The following ELL variants were observed in gnomAD, a reference collection of about 807,000 sequenced individuals.
ELL encodes elongation factor for RNA polymerase II, also known as RNA polymerase II elongation factor ELL.
ELL carries 18 observed loss-of-function variants against 64.0 expected under a neutral mutation model. The observed-to-expected ratio is 0.28, with a 90% CI of 0.19 to 0.42. ELL has a LOEUF of 0.42. Ranked by LOEUF, ELL falls within the 10% of genes least tolerant of loss-of-function variation. ELL has a pLI of 1.00. For synonymous variants in ELL, 399 were observed against 376.2 expected, an observed-to-expected ratio of 1.06 and a Z score of -0.70; for missense variants, 797 against 870.4, an observed-to-expected ratio of 0.92 and a Z score of 1.06.
intron 1 of ELL, among the ~76,000 whole-genome samples, chr19:18,515,549 T>G (rs904945253): frequency 6.6e-6 from 1 of 152,228 alleles, no homozygotes; most frequent in Non-Finnish European, 1.5e-5. Flanking sequence ...GAAGATGGGA[T>G]GAAATGCAGT....
intron 5 of ELL, 123 bp from the exon 6 acceptor site, chr19:18,458,452 A>G (rs905565105): frequency 6.9e-7 from 1 of 1,449,330 alleles, no homozygotes; most frequent in African/African-American, 1.4e-5. Flanking sequence ...ACAGAGACAG[A>G]GGAGAGGAAA....
At chr19:18,479,891 A>C (rs1005761659) in intron 1 of ELL, among the ~76,000 whole-genome samples, 2 of 152,080 alleles carry the variant, frequency 1.3e-5, no homozygotes, top group Non-Finnish European at 2.9e-5. Context: ...GCAGGTGCCA[A>C]GGCTGCCCCA....
intron 1 of ELL, among the ~76,000 whole-genome samples, chr19:18,521,443 G>A (rs1257141866): frequency 2.0e-5 from 3 of 151,922 alleles, no homozygotes; most frequent in Non-Finnish European, 2.9e-5. Flanking sequence ...CGGGCACCCA[G>A]ACGATCGCTG....
chr19:18,517,291 T>C (rs1976150200), intron 1 of ELL, among the ~76,000 whole-genome samples: 1 of 152,108 alleles, frequency 6.6e-6, no homozygotes, highest in South Asian at 2.1e-4. Flanking sequence ...AGGGTCTCCC[T>C]CTGTTACCCA....
At chr19:18,497,733 C>G (rs1975688741) in intron 1 of ELL, among the ~76,000 whole-genome samples, 1 of 149,776 alleles carries the variant, frequency 6.7e-6, no homozygotes, top group Non-Finnish European at 1.5e-5. Flanking sequence ...GGGAGGATCA[C>G]CTAAGCCTAG....
At chr19:18,445,163 C>A in intron 11 of ELL, 61 bp downstream of exon 11, 6 of 1,600,920 alleles carry the variant, frequency 3.7e-6, no homozygotes, top group South Asian at 1.1e-5. Context: ...CCCGGGCCCA[C>A]CCTCCTCCCT....
At chr19:18,512,604 T>A (rs919098605) in intron 1 of ELL, among the ~76,000 whole-genome samples, 3 of 152,170 alleles carry the variant, frequency 2.0e-5, no homozygotes, top group African/African-American at 7.2e-5. Context: ...AGGAAGCCAG[T>A]TCTCTATTTC....
chr19:18,498,638 C>T (rs928284644), intron 1 of ELL, among the ~76,000 whole-genome samples: 6 of 152,144 alleles, frequency 3.9e-5, no homozygotes, highest in Non-Finnish European at 2.9e-5. Flanking sequence ...CATTGCTGCC[C>T]CCGGATGGGT....
intron 1 of ELL, among the ~76,000 whole-genome samples, chr19:18,518,021 G>T (rs1312762991): frequency 1.3e-5 from 2 of 150,448 alleles, no homozygotes; most frequent in East Asian, 3.9e-4. Flanking sequence ...AGGAGTTCGA[G>T]ACCAGCCTGA....
intron 1 of ELL, among the ~76,000 whole-genome samples, chr19:18,491,249 ATTTTTTTTTT>A (rs565016319): frequency 1.4e-5 from 1 of 72,448 alleles, no homozygotes; most frequent in Non-Finnish European, 2.7e-5. Context: ...CACCTGGCTA[ATTTTTTTTTT>A]TTTTTTTTTT....
At chr19:18,502,875 G>A (rs561233096) in intron 1 of ELL, among the ~76,000 whole-genome samples, 6 of 152,312 alleles carry the variant, frequency 3.9e-5, no homozygotes, top group Admixed American at 6.5e-5. Flanking sequence ...GGGAAACCAC[G>A]GGGCCACCTG....
At position 18,462,123 on chromosome 19, in the gene ELL, C is replaced by T. The variant is rs867041281; in HGVS notation, c.470-271G>A. 8.5e-5 allele frequency among the ~76,000 whole-genome samples: 13 copies of T among 152,186 alleles called. 1 individual carries two copies. The Middle Eastern group carries it at 0.027, about 319-fold the overall frequency. On this transcript the variant is annotated intron_variant, in intron 4 of 11. Transcript: ENST00000262809. ...TGTTAGAGCCTTACTTACTTCATCA[C>T]AGGCAACCTAAATCCTGGACAGCAA...
intron 1 of ELL, among the ~76,000 whole-genome samples, chr19:18,516,667 C>G (rs271625): frequency 0.022 from 3,373 of 152,208 alleles, 48 homozygotes; most frequent in Non-Finnish European, 0.034. Context: ...GACCAGCCCC[C>G]CAGGAGCCAG....
chr19:18,479,790 G>A (rs1477252137), intron 1 of ELL, among the ~76,000 whole-genome samples: 2 of 151,558 alleles, frequency 1.3e-5, no homozygotes, highest in South Asian at 2.1e-4. Context: ...GCACAGTGAA[G>A]AGATGAGACA....
At chr19:18,482,885 G>A (rs1975335509) in intron 1 of ELL, among the ~76,000 whole-genome samples, 1 of 151,788 alleles carries the variant, frequency 6.6e-6, no homozygotes, top group Non-Finnish European at 1.5e-5. Flanking sequence ...CAGTCTCCTG[G>A]GCTCAAGAAT....
chr19:18,517,553 C>T (rs554031858), intron 1 of ELL, among the ~76,000 whole-genome samples: 381 of 152,134 alleles, frequency 2.5e-3, no homozygotes, highest in Non-Finnish European at 4.8e-3. Context: ...GCCCGGCCAT[C>T]CCATGCAGGT....
At chr19:18,482,336 T>TTTTTTTTTTTTTTTTTTTTTTTC (rs781472836) in intron 1 of ELL, among the ~76,000 whole-genome samples, 1 of 127,924 alleles carries the variant, frequency 7.8e-6, no homozygotes, top group Non-Finnish European at 1.7e-5. Flanking sequence ...TTTTTTTTTT[T>TTTTTTTTTTTTTTTTTTTTTTTC]AAACAGGGTC....
At chr19:18,453,844 T>C (rs1974593580) in intron 6 of ELL, among the ~76,000 whole-genome samples, 1 of 152,194 alleles carries the variant, frequency 6.6e-6, no homozygotes, top group Non-Finnish European at 1.5e-5. Flanking sequence ...GCTGACATTA[T>C]AGGCATGAGC....
At chr19:18,493,901 G>A (rs547669555) in intron 1 of ELL, among the ~76,000 whole-genome samples, 1 of 152,184 alleles carries the variant, frequency 6.6e-6, no homozygotes, top group Non-Finnish European at 1.5e-5. Flanking sequence ...ACAATTGAAA[G>A]GTGATCTAAC....
Sources: gnomAD v4.1 joint callset for allele counts (sites outside exome capture counted in the v4.1 genomes callset) on GRCh38, gnomAD v4.1.1 for gene constraint, MANE v1.5 for transcripts, NCBI Gene and HGNC (gene_info 2026-07-23, HGNC 2026-07-21) for gene names.